FGF12: variants seen among roughly 807,000 people sequenced by gnomAD.
FGF12 encodes fibroblast growth factor 12B.
A neutral mutation model predicts 23.6 loss-of-function variants in FGF12; 14 were observed. The observed-to-expected ratio is 0.59, with a 90% CI of 0.39 to 0.93. FGF12 has a LOEUF of 0.93. FGF12 is among the 40% of genes least tolerant of loss of function. The pLI is 0.00. For synonymous variants in FGF12, 62 were observed against 77.3 expected (o/e 0.80, Z 1.04); for missense variants, 175 against 217.8 (o/e 0.80, Z 1.24).
chr3:192,686,205 C>T (rs187327428), intron 2 of FGF12, among the ~76,000 whole-genome samples: 1 of 152,204 alleles, frequency 6.6e-6, no homozygotes, highest in East Asian at 1.9e-4. Flanking sequence ...TCCCACAAGA[C>T]ACAGGAGGTG....
chr3:192,561,653 T>C lies in FGF12; in HGVS notation c.13+165528A>G, dbSNP rs148757685. ...CTGGGATTACAGGCGTGAGCCACCG[T>C]GCCTGGAAAATACTATTTATTTGTG... On this transcript the variant is annotated intron_variant, in intron 2 of 5. Transcript: ENST00000445105. Among the ~76,000 whole-genome samples the C allele has an allele frequency of 5.8e-3, 883 of 152,284 alleles. 6 individuals carry two copies. The highest frequency in any genetic ancestry group is 0.019 in the African/African-American group (787 of 41,566).
intron 2 of FGF12, among the ~76,000 whole-genome samples, chr3:192,383,933 C>T (rs1719932735): frequency 6.6e-6 from 1 of 152,106 alleles, no homozygotes. Flanking sequence ...CATGAAAGTA[C>T]AATGTGAGTG....
chr3:192,217,709 C>T (rs141795671), intron 4 of FGF12, among the ~76,000 whole-genome samples: 1,632 of 152,198 alleles, frequency 0.011, 15 homozygotes, highest in Middle Eastern at 0.024. Flanking sequence ...AGTTTTGTAA[C>T]GGTACACATG....
intron 2 of FGF12, among the ~76,000 whole-genome samples, chr3:192,617,549 G>C (rs1005519008): frequency 6.6e-6 from 1 of 151,984 alleles, no homozygotes; most frequent in South Asian, 2.1e-4. Context: ...TATAAGAATG[G>C]GCAAAGCCAC....
intron 2 of FGF12, among the ~76,000 whole-genome samples, chr3:192,552,248 G>A (rs778477464): frequency 3.9e-5 from 6 of 151,962 alleles, no homozygotes; most frequent in Admixed American, 6.6e-5. Flanking sequence ...GAAAATGATT[G>A]AGAAGAACAA....
At chr3:192,267,064 A>G (rs535564928) in intron 4 of FGF12, 1 of 152,302 alleles carries the variant, frequency 6.6e-6, no homozygotes. Context: ...ACCTTCGATT[A>G]CATGAAATCT....
chr3:192,454,372 A>G (rs1722617284), intron 2 of FGF12, among the ~76,000 whole-genome samples: 1 of 152,138 alleles, frequency 6.6e-6, no homozygotes, highest in Non-Finnish European at 1.5e-5. Flanking sequence ...TGCATGTTCT[A>G]TTTCCACAGT....
chr3:192,181,619 G>T (rs1342779095), intron 4 of FGF12, among the ~76,000 whole-genome samples: 1 of 149,272 alleles, frequency 6.7e-6, no homozygotes, highest in Admixed American at 6.7e-5. Context: ...AAAATTAAGA[G>T]AAGTAATTTG....
intron 2 of FGF12, among the ~76,000 whole-genome samples, chr3:192,413,037 T>C (rs1237590538): frequency 6.6e-6 from 1 of 152,204 alleles, no homozygotes; most frequent in Non-Finnish European, 1.5e-5. Flanking sequence ...ATGATAATTA[T>C]GTAGTTATAT....
chr3:192,513,998 T>C (rs1724574922), intron 2 of FGF12, among the ~76,000 whole-genome samples: 1 of 152,184 alleles, frequency 6.6e-6, no homozygotes, highest in Non-Finnish European at 1.5e-5. Context: ...ATTAGTTTGG[T>C]GGGGTTTTTT....
chr3:192,427,717 G>A (rs1186748254), intron 2 of FGF12, among the ~76,000 whole-genome samples: 1 of 152,114 alleles, frequency 6.6e-6, no homozygotes, highest in African/African-American at 2.4e-5. Flanking sequence ...ATACTGAGAG[G>A]CTCTTGAAGT....
intron 4 of FGF12, among the ~76,000 whole-genome samples, chr3:192,312,190 T>C (rs969596298): frequency 6.6e-6 from 1 of 152,130 alleles, no homozygotes; most frequent in African/African-American, 2.4e-5. Context: ...TCGATTCTTC[T>C]TTTGTTGGTT....
At chr3:192,593,092 ATTC>A (rs1713693083) in intron 2 of FGF12, among the ~76,000 whole-genome samples, 1 of 151,838 alleles carries the variant, frequency 6.6e-6, no homozygotes, top group Admixed American at 6.6e-5. Flanking sequence ...ACATAGCATC[ATTC>A]TTCTGTTCCG....
intron 2 of FGF12, among the ~76,000 whole-genome samples, chr3:192,578,578 T>C (rs915185001): frequency 1.3e-5 from 2 of 152,236 alleles, no homozygotes; most frequent in Admixed American, 1.3e-4. Flanking sequence ...GTGTCTTTAA[T>C]TTTTGTCCCA....
chr3:192,261,816 G>T (rs1469685321), intron 4 of FGF12, among the ~76,000 whole-genome samples: 1 of 152,268 alleles, frequency 6.6e-6, no homozygotes, highest in Admixed American at 6.5e-5. Context: ...ATCTCCAGCA[G>T]CCTGTGGCAC....
chr3:192,672,582 T>C (rs1457342665), intron 2 of FGF12, among the ~76,000 whole-genome samples: 1 of 151,088 alleles, frequency 6.6e-6, no homozygotes, highest in African/African-American at 2.4e-5. Flanking sequence ...GGCACAGTTG[T>C]TTATCAAACC....
intron 4 of FGF12, among the ~76,000 whole-genome samples, chr3:192,257,147 C>T (rs117064456): frequency 6.6e-6 from 1 of 152,164 alleles, no homozygotes; most frequent in Non-Finnish European, 1.5e-5. Context: ...ATTATTGCTA[C>T]ATGCCTTTTC....
chr3:192,558,798 G>C (rs1711896176), intron 2 of FGF12, among the ~76,000 whole-genome samples: 1 of 151,788 alleles, frequency 6.6e-6, no homozygotes, highest in African/African-American at 2.4e-5. Flanking sequence ...AAACCCATAT[G>C]TATATATTGG....
At chr3:192,290,344 G>T (rs1001443738) in intron 4 of FGF12, among the ~76,000 whole-genome samples, 1 of 152,138 alleles carries the variant, frequency 6.6e-6, no homozygotes, top group Middle Eastern at 3.4e-3. Context: ...TTTTTAAAAA[G>T]ATTTGGCTGC....
Sources: allele counts gnomAD v4.1 joint callset (sites outside exome capture counted in the v4.1 genomes callset), GRCh38; gene constraint gnomAD v4.1.1; transcripts MANE v1.5; gene names NCBI Gene and HGNC (gene_info 2026-07-23, HGNC 2026-07-21).